GSTCD: variants seen among roughly 807,000 people sequenced by gnomAD.
GSTCD encodes the protein glutathione S-transferase C-terminal domain containing.
In GSTCD, 44 loss-of-function variants were observed where a neutral mutation model predicts 68.3. That is an observed-to-expected ratio of 0.64 (90% confidence interval 0.51 to 0.83). The LOEUF (loss-of-function observed/expected upper bound fraction) is 0.83, where lower values mean the gene tolerates loss of function less well. GSTCD is among the 40% of genes least tolerant of loss of function. GSTCD has a pLI of 0.00. For synonymous variants in GSTCD, 273 were observed against 255.2 expected, an observed-to-expected ratio of 1.07 and a Z score of -0.67; for missense variants, 739 against 735.9, an observed-to-expected ratio of 1.00 and a Z score of -0.05.
At chr4:105,823,340 G>A in intron 7 of GSTCD, 65 bp downstream of exon 7, 1 of 1,435,334 alleles carries the variant, frequency 7.0e-7, no homozygotes, top group Non-Finnish European at 9.8e-7. Flanking sequence ...AGCCAAATTT[G>A]GTTTATCCCG....
chr4:105,824,928 G>A (rs1005388546), intron 7 of GSTCD, among the ~76,000 whole-genome samples: 2 of 152,052 alleles, frequency 1.3e-5, no homozygotes, highest in South Asian at 2.1e-4. Flanking sequence ...CCCCCAAACC[G>A]ATTTGTATTC....
intron 5 of GSTCD, among the ~76,000 whole-genome samples, chr4:105,776,965 TTC>T (rs1246467314): frequency 1.3e-5 from 2 of 152,188 alleles, no homozygotes; most frequent in African/African-American, 4.8e-5. Flanking sequence ...CCATTCTCCA[TTC>T]TGTATCTGTC....
chr4:105,804,966 A>C (rs1722421942), intron 5 of GSTCD, among the ~76,000 whole-genome samples: 1 of 152,112 alleles, frequency 6.6e-6, no homozygotes, highest in South Asian at 2.1e-4. Context: ...TGCAAAGGAC[A>C]TGGTCTCGTT....
chr4:105,732,392 A>G (rs2083396685), intron 5 of GSTCD, among the ~76,000 whole-genome samples: 1 of 152,174 alleles, frequency 6.6e-6, no homozygotes, highest in Non-Finnish European at 1.5e-5. Context: ...CTATTCAGGG[A>G]TTCAACATCT....
chr4:105,831,895 C>T (rs1018957743), intron 8 of GSTCD, among the ~76,000 whole-genome samples: 9 of 151,990 alleles, frequency 5.9e-5, no homozygotes, highest in African/African-American at 4.8e-5. Context: ...GAGATCACAC[C>T]GTTGCACTCC....
intron 10 of GSTCD, among the ~76,000 whole-genome samples, chr4:105,839,856 A>T (rs1341896628): frequency 6.6e-6 from 1 of 152,204 alleles, no homozygotes; most frequent in East Asian, 1.9e-4. Context: ...TGGCTAGAAA[A>T]GAATGTAAAA....
chr4:105,794,188 T>C (rs1159123350), intron 5 of GSTCD, among the ~76,000 whole-genome samples: 1 of 152,070 alleles, frequency 6.6e-6, no homozygotes, highest in Non-Finnish European at 1.5e-5. Context: ...ACATCTTAAC[T>C]GTATAAGTCT....
chr4:105,765,890 G>T (rs1734587160), intron 5 of GSTCD, among the ~76,000 whole-genome samples: 1 of 152,138 alleles, frequency 6.6e-6, no homozygotes, highest in African/African-American at 2.4e-5. Flanking sequence ...CTTCCGCCAG[G>T]ATTGTAAGTT....
chr4:105,730,417 T>G (rs989586002), intron 5 of GSTCD, among the ~76,000 whole-genome samples: 22 of 152,344 alleles, frequency 1.4e-4, no homozygotes, highest in African/African-American at 5.0e-4. Flanking sequence ...GTTTCTTGAC[T>G]TTTTAATGAT....
In GSTCD at chr4:105,717,702, A is replaced by G. The variant is rs756553850; in HGVS notation, c.89A>G (p.His30Arg). The change falls in exon 2 of 12, where the codon CAT becomes CGT. Residue 30 changes from histidine (H) to arginine (R), a missense_variant. Coordinates refer to ENST00000515279, the MANE Select transcript of GSTCD (RefSeq NM_001370181.1). Reference protein sequence around the residue: ...HQTEGCIFPLHTSVTLFLLSY... With the variant: ...HQTEGCIFPLRTSVTLFLLSY... ...ACAGAAGGATGCATCTTTCCTCTTC[A>G]TACATCTGTAACTTTATTTCTGTTA... The G allele has an allele frequency of 6.2e-7, 1 of 1,613,312 alleles. No individual in the cohort carries two copies. The highest frequency in any genetic ancestry group is 8.5e-7 in the Non-Finnish European group (1 of 1,179,390).
In GSTCD at chr4:105,816,992, AG is replaced by A. The variant is rs557461514; in HGVS notation, c.1241-5961del. ...TATGCAAGTGCTTAATATATTGTAAAGCATCATATAAGCAGAAAGTATCCAT... is the reference window on the plus strand; with the variant it reads ...TATGCAAGTGCTTAATATATTGTAAACATCATATAAGCAGAAAGTATCCAT... On this transcript the variant is annotated intron_variant, in intron 5 of 11. Transcript: ENST00000515279. Among the ~76,000 whole-genome samples the A allele has an allele frequency of 2.0e-3, 298 of 152,110 alleles. 1 individual carries two copies. Among genetic ancestry groups the A allele is most frequent in the Middle Eastern group, 0.017 (5 of 294 alleles).
chr4:105,762,249 T>C (rs1475710955), intron 5 of GSTCD, among the ~76,000 whole-genome samples: 3 of 152,228 alleles, frequency 2.0e-5, no homozygotes, highest in Non-Finnish European at 4.4e-5. Flanking sequence ...TAATAGGTTA[T>C]ATATTTTGGT....
intron 11 of GSTCD, among the ~76,000 whole-genome samples, chr4:105,843,833 A>G (rs1724448132): frequency 6.7e-6 from 1 of 149,360 alleles, no homozygotes. Flanking sequence ...ATGGATGGGT[A>G]CATGGTAGAT....
At chr4:105,769,036 A>G (rs897021664) in intron 5 of GSTCD, among the ~76,000 whole-genome samples, 1 of 152,044 alleles carries the variant, frequency 6.6e-6, no homozygotes, top group African/African-American at 2.4e-5. Context: ...AAAGAATCAA[A>G]GTATGAAACT....
chr4:105,770,664 T>C (rs1269062641), intron 5 of GSTCD, among the ~76,000 whole-genome samples: 1 of 152,138 alleles, frequency 6.6e-6, no homozygotes, highest in Non-Finnish European at 1.5e-5. Context: ...AGAATGATGG[T>C]TTCCAGCTTC....
chr4:105,718,867 C>T (rs960356992), intron 2 of GSTCD, among the ~76,000 whole-genome samples, 193 bp from the exon 3 acceptor site: 2 of 152,112 alleles, frequency 1.3e-5, no homozygotes, highest in African/African-American at 2.4e-5. Context: ...AAGGGGAATA[C>T]AGGAATGCTA....
chr4:105,750,852 T>C (rs1464618023), intron 5 of GSTCD, among the ~76,000 whole-genome samples: 1 of 152,232 alleles, frequency 6.6e-6, no homozygotes, highest in African/African-American at 2.4e-5. Context: ...TGAATAGATC[T>C]CAAGGGCATT....
At position 105,719,533 on chromosome 4, in the gene GSTCD, G is replaced by A. The variant is rs1252889121; in HGVS notation, c.894+6G>A. 12 of 1,596,960 alleles carry A rather than the reference G, an allele frequency of 7.5e-6. No individual in the cohort carries two copies. Among genetic ancestry groups the A allele is most frequent in the Non-Finnish European group, 8.6e-6 (10 of 1,164,570 alleles). ...CCTGTATCCATCATTTCTTGGTAAG[G>A]TTTCATCTGGACTGTACACATTACT... is the stretch of plus-strand genomic sequence containing the variant. On this transcript the variant is annotated splice_donor_region_variant and intron_variant, in intron 3 of 11. Transcript: ENST00000515279.
chr4:105,714,460 A>C (rs1331795138), intron 1 of GSTCD, among the ~76,000 whole-genome samples: 1 of 149,126 alleles, frequency 6.7e-6, no homozygotes, highest in Non-Finnish European at 1.5e-5. Context: ...AAAAAGAGGA[A>C]GGATTTTTTT....
Sources: gnomAD v4.1 joint callset for allele counts (sites outside exome capture counted in the v4.1 genomes callset) on GRCh38, gnomAD v4.1.1 for gene constraint, MANE v1.5 for transcripts, NCBI Gene and HGNC (gene_info 2026-07-23, HGNC 2026-07-21) for gene names.